Variants in RAB4A observed in about 807,000 individuals in gnomAD.
The protein encoded by RAB4A is ras-related protein Rab-4A.
Under a neutral mutation model 34.5 loss-of-function variants are expected in RAB4A, and 20 were observed. The observed-to-expected ratio is 0.58, with a 90% CI of 0.41 to 0.84. The LOEUF is 0.84. Ranked by LOEUF, RAB4A falls within the 40% of genes least tolerant of loss-of-function variation. The pLI is 0.00. For missense variants in RAB4A, 228 were observed against 274.5 expected, an observed-to-expected ratio of 0.83 and a Z score of 1.20; for synonymous variants, 102 against 100.0, an observed-to-expected ratio of 1.02 and a Z score of -0.12.
intron 6 of RAB4A, among the ~76,000 whole-genome samples, chr1:229,301,361 G>T (rs1229853115): frequency 1.3e-5 from 2 of 151,992 alleles, no homozygotes; most frequent in African/African-American, 4.8e-5. Flanking sequence ...AGGGAGGAGA[G>T]TCGGGCCCAG....
At position 229,295,064 on chromosome 1, in the gene RAB4A, G is replaced by A. The variant is rs1657203407; in HGVS notation, c.228-784G>A. Among the ~76,000 whole-genome samples, 5 of 150,634 alleles carry A rather than the reference G, an allele frequency of 3.3e-5. No homozygotes were observed. In the South Asian group the frequency reaches 8.4e-4, roughly 25 times the overall value. On this transcript the variant is annotated intron_variant, in intron 3 of 7. Coordinates refer to ENST00000366690, the MANE Select transcript of RAB4A (RefSeq NM_004578.4). ...CACCTCAAATTCCTGGGATCAAACA[G>A]TCCTTCTGTCTCAGCCTCCTGAGTA...
intron 1 of RAB4A, among the ~76,000 whole-genome samples, chr1:229,282,230 T>C (rs978849614): frequency 6.6e-6 from 1 of 152,204 alleles, no homozygotes; most frequent in African/African-American, 2.4e-5. Flanking sequence ...TGAAAGGTTT[T>C]CTTTCTTTGA....
At chr1:229,280,542 T>C (rs1334752731) in intron 1 of RAB4A, among the ~76,000 whole-genome samples, 2 of 152,210 alleles carry the variant, frequency 1.3e-5, no homozygotes, top group Non-Finnish European at 2.9e-5. Flanking sequence ...AGTCATTGTC[T>C]GATAATATCA....
rs971482819 is a variant in RAB4A at position 229,295,976 on chromosome 1, C to T, written c.290+66C>T. ...CCTGCAGCCCAAAGGCTGGTCTTGG[C>T]GAGGTGCCCTCCGTGCAGTGTGTGC... is the stretch of plus-strand genomic sequence containing the variant. On this transcript the variant is annotated intron_variant, in intron 4 of 7. Transcript: ENST00000366690. 3.0e-5 allele frequency: 46 copies of T among 1,537,548 alleles called. No individual in the cohort carries two copies. The Admixed American group carries it at 4.2e-4, about 14-fold the overall frequency.
intron 5 of RAB4A, 113 bp from the exon 6 acceptor site, chr1:229,298,864 G>C (rs1657309191): frequency 1.4e-6 from 1 of 737,318 alleles, no homozygotes; most frequent in Admixed American, 2.6e-5. Context: ...ATGGTTTTAG[G>C]TCATAAATTA....
intron 6 of RAB4A, among the ~76,000 whole-genome samples, chr1:229,302,407 G>A (rs1167205516): frequency 6.8e-6 from 1 of 146,370 alleles, no homozygotes; most frequent in African/African-American, 2.5e-5. Context: ...TGGGATCTTG[G>A]TGTAGAGGCT....
intron 1 of RAB4A, among the ~76,000 whole-genome samples, chr1:229,277,317 G>A (rs985112611): frequency 2.6e-5 from 4 of 150,980 alleles, no homozygotes; most frequent in African/African-American, 4.9e-5. Context: ...GGTAAACCGC[G>A]GCTCCTACAG....
At position 229,286,478 on chromosome 1, in the gene RAB4A, T is replaced by C. The variant is rs1656927125; in HGVS notation, c.32-8T>C. The C allele has an allele frequency of 1.3e-6, 2 of 1,535,438 alleles. No individual in the cohort carries two copies. Among genetic ancestry groups the C allele is most frequent in the African/African-American group, 1.4e-5 (1 of 72,242 alleles). On this transcript the variant is annotated splice_region_variant and splice_polypyrimidine_tract_variant and intron_variant, in intron 1 of 7. Transcript: ENST00000366690. ...AAGTTATTTTCACAGTCTCTTTTTA[T>C]CTTTCAGATTTTTTGTTTAAGTTCT...
chr1:229,271,748 G>A (rs1656489718), intron 1 of RAB4A, among the ~76,000 whole-genome samples: 1 of 152,244 alleles, frequency 6.6e-6, no homozygotes, highest in African/African-American at 2.4e-5. Context: ...TCCCCAGCGA[G>A]CCTGTGAAGG....
chr1:229,299,300 G>A (rs1180141926), intron 6 of RAB4A, among the ~76,000 whole-genome samples: 1 of 152,202 alleles, frequency 6.6e-6, no homozygotes, highest in Non-Finnish European at 1.5e-5. Context: ...GGGCACACCA[G>A]CTCAGCTGTG....
At position 229,288,927 on chromosome 1, in the gene RAB4A, C is replaced by T. The variant is rs1391139591; in HGVS notation, c.227+84C>T. ...TATTCTCTCAATATATAAGGTCTCA[C>T]TCCCTCCCCAACACACCCCTTCCTT... On this transcript the variant is annotated intron_variant, in intron 3 of 7. Transcript: ENST00000366690. 6.0e-6 allele frequency: 5 copies of T among 831,578 alleles called. No individual in the cohort carries two copies. In the African/African-American group the frequency reaches 8.8e-5, roughly 15 times the overall value. The allele number at this position is 831,578 out of a possible 1,614,324, so 51.5% of individuals were successfully genotyped here.
chr1:229,295,837 A>G lies in RAB4A; in HGVS notation c.228-11A>G, dbSNP rs887487331. On this transcript the variant is annotated splice_polypyrimidine_tract_variant and intron_variant, in intron 3 of 7. Transcript: ENST00000366690. The stretch of plus-strand genomic sequence containing the variant: ...AATTGGTTGAAAGTAAAACCAGTAT[A>G]ATTCTTCCAGGTCCGTGACGAGAAG... 1.2e-6 allele frequency: 2 copies of G among 1,613,940 alleles called. No homozygotes were observed. Among genetic ancestry groups the G allele is most frequent in the African/African-American group, 1.3e-5 (1 of 75,048 alleles).
chr1:229,288,305 A>G (rs1656977178), intron 2 of RAB4A, among the ~76,000 whole-genome samples: 1 of 152,010 alleles, frequency 6.6e-6, no homozygotes, highest in Non-Finnish European at 1.5e-5. Context: ...ATATTTAACC[A>G]TTCAAATACA....
chr1:229,284,265 CATT>C (rs1416385611), intron 1 of RAB4A, among the ~76,000 whole-genome samples: 6 of 151,386 alleles, frequency 4.0e-5, no homozygotes, highest in Admixed American at 2.0e-4. Flanking sequence ...ACGCCTGGCT[CATT>C]GTTGTATTTT....
At chr1:229,299,187 C>A in intron 6 of RAB4A, 115 bp downstream of exon 6, 1 of 704,824 alleles carries the variant, frequency 1.4e-6, no homozygotes, top group Non-Finnish European at 2.3e-6. Flanking sequence ...TCTCTCTCTA[C>A]CTGCCAACCT....
At chr1:229,290,877 G>A (rs766362333) in intron 3 of RAB4A, among the ~76,000 whole-genome samples, 1 of 152,170 alleles carries the variant, frequency 6.6e-6, no homozygotes, top group Non-Finnish European at 1.5e-5. Flanking sequence ...GAAGAGAGAA[G>A]AGCAGAGAGA....
At position 229,271,378 on chromosome 1, in the gene RAB4A, G is replaced by A; in HGVS notation, c.31+8G>A. The A allele has an allele frequency of 8.1e-7, 1 of 1,234,246 alleles. No homozygotes were observed. Among genetic ancestry groups the A allele is most frequent in the East Asian group, 3.3e-5 (1 of 30,078 alleles). 76.5% of individuals were successfully genotyped at this position (1,234,246 alleles called of 1,614,324 possible). On this transcript the variant is annotated splice_region_variant and intron_variant, in intron 1 of 7. Coordinates refer to ENST00000366690, the MANE Select transcript of RAB4A (RefSeq NM_004578.4). ...CCATGTCCGAAACCTACGGTACGAGGCCCGGGCTGGCGGGGCGCGCGGGTC... is the reference window on the plus strand; with the variant it reads ...CCATGTCCGAAACCTACGGTACGAGACCCGGGCTGGCGGGGCGCGCGGGTC...
Position 229,304,550 on chromosome 1 carries a change from A to C in RAB4A, c.*757A>C, listed in dbSNP as rs1259856963. 6.6e-6 allele frequency: 1 copy of C among 152,216 alleles called. No individual in the cohort carries two copies. Among genetic ancestry groups the C allele is most frequent in the African/African-American group, 2.4e-5 (1 of 41,450 alleles). 9.4% of individuals were successfully genotyped at this position (152,216 alleles called of 1,614,324 possible). A position where few individuals can be genotyped will look rare whatever the true frequency, so the allele number is the denominator to read the frequency against. On this transcript the variant is annotated 3_prime_UTR_variant, in exon 8 of 8. Transcript: ENST00000366690. ...TACCTTTACCCAAACCTACTGGGCTACTAATACTTCTCTCAGCAGTTGATC... is the reference window on the plus strand; with the variant it reads ...TACCTTTACCCAAACCTACTGGGCTCCTAATACTTCTCTCAGCAGTTGATC...
intron 1 of RAB4A, among the ~76,000 whole-genome samples, chr1:229,280,474 C>G (rs1400932569): frequency 6.6e-6 from 1 of 152,158 alleles, no homozygotes; most frequent in East Asian, 1.9e-4. Context: ...GTATTGTTTC[C>G]TTCTTGAATC....
Sources: allele counts gnomAD v4.1 joint callset (sites outside exome capture counted in the v4.1 genomes callset), GRCh38; gene constraint gnomAD v4.1.1; transcripts MANE v1.5; gene names NCBI Gene and HGNC (gene_info 2026-07-23, HGNC 2026-07-21).